Variants in BAIAP2L1 observed in about 807,000 individuals in gnomAD.
BAIAP2L1 encodes BAR/IMD domain containing adaptor protein 2 like 1.
Under a neutral mutation model 66.3 loss-of-function variants are expected in BAIAP2L1, and 35 were observed. That is an observed-to-expected ratio of 0.53 (90% CI 0.40 to 0.70). BAIAP2L1 has a LOEUF of 0.70. Among genes scored for constraint, BAIAP2L1 ranks in the 30% least tolerant of loss-of-function variants. The pLI is 0.00. For synonymous variants in BAIAP2L1, 269 were observed against 248.7 expected (o/e 1.08, Z -0.77); for missense variants, 622 against 656.9 (o/e 0.95, Z 0.58).
Position 98,331,745 on chromosome 7 carries a change from A to G in BAIAP2L1, c.215-11447T>C, listed in dbSNP as rs144604831. Among the ~76,000 whole-genome samples, 10 of 152,300 alleles carry G rather than the reference A, an allele frequency of 6.6e-5. No homozygotes were observed. In the East Asian group the frequency reaches 1.9e-3, roughly 29 times the overall value. On this transcript the variant is annotated intron_variant, in intron 3 of 13. Transcript: ENST00000005260. ...CAGCTTCCCAAAGTGCTGGGATTAC[A>G]GGTGTGAGTCACCATGCCTAGCCAA... is the stretch of plus-strand genomic sequence containing the variant.
In BAIAP2L1 at chr7:98,292,668, A is replaced by G. The variant is rs1800017784; in HGVS notation, c.*853T>C. ...CAGAGGTCATCCTGGCTTTACACGTATCCTTTGAGAGTCTGTACCTGATTC... is the reference window on the plus strand; with the variant it reads ...CAGAGGTCATCCTGGCTTTACACGTGTCCTTTGAGAGTCTGTACCTGATTC... On this transcript the variant is annotated 3_prime_UTR_variant, in exon 14 of 14. Coordinates refer to ENST00000005260, the MANE Select transcript of BAIAP2L1 (RefSeq NM_018842.5). 1.3e-6 allele frequency: 2 copies of G among 1,551,628 alleles called. No homozygotes were observed. Among genetic ancestry groups the G allele is most frequent in the East Asian group, 4.9e-5 (2 of 40,924 alleles).
At chr7:98,390,386 T>TAATATATATAATATA (rs1231018644) in intron 1 of BAIAP2L1, among the ~76,000 whole-genome samples, 2 of 151,958 alleles carry the variant, frequency 1.3e-5, no homozygotes, top group Non-Finnish European at 2.9e-5. Context: ...AATATATATA[T>TAATATATATAATATA]TTATCTGCTT....
At chr7:98,392,900 C>T (rs1803079781) in intron 1 of BAIAP2L1, among the ~76,000 whole-genome samples, 1 of 124,446 alleles carries the variant, frequency 8.0e-6, no homozygotes, top group African/African-American at 2.7e-5. Context: ...TCAGGCAATT[C>T]TCCTGCCTCA....
intron 11 of BAIAP2L1, among the ~76,000 whole-genome samples, chr7:98,304,837 G>A (rs1235931873): frequency 6.6e-6 from 1 of 151,118 alleles, no homozygotes; most frequent in Non-Finnish European, 1.5e-5. Flanking sequence ...AATGTTTTTA[G>A]TGGTTTCTAA....
chr7:98,396,956 C>A (rs1264725922), intron 1 of BAIAP2L1, among the ~76,000 whole-genome samples: 1 of 152,186 alleles, frequency 6.6e-6, no homozygotes, highest in Non-Finnish European at 1.5e-5. Flanking sequence ...ATTCATTCAA[C>A]AAATATGCAT....
At chr7:98,293,944 C>T (rs1274521473) in intron 13 of BAIAP2L1, 130 bp downstream of exon 13, 7 of 1,091,846 alleles carry the variant, frequency 6.4e-6, no homozygotes, top group Admixed American at 2.1e-5. Flanking sequence ...GCTGCACTCC[C>T]CCATGGCTCC....
intron 5 of BAIAP2L1, 59 bp downstream of exon 5, chr7:98,319,999 C>T (rs1584452863): frequency 7.1e-7 from 1 of 1,416,206 alleles, no homozygotes; most frequent in East Asian, 2.3e-5. Context: ...AACGAGTTCT[C>T]CCCAGGCTGG....
At chr7:98,295,103 C>T (rs904199477) in intron 12 of BAIAP2L1, among the ~76,000 whole-genome samples, 5 of 152,230 alleles carry the variant, frequency 3.3e-5, no homozygotes, top group African/African-American at 9.6e-5. Flanking sequence ...TCAGGGAGCA[C>T]GCAGACCTCT....
At position 98,304,730 on chromosome 7, in the gene BAIAP2L1, G is replaced by A. The variant is rs1274241048; in HGVS notation, c.1242-354C>T. Among the ~76,000 whole-genome samples, 3 of 151,458 alleles carry A rather than the reference G, an allele frequency of 2.0e-5. No homozygotes were observed. In the South Asian group the frequency reaches 6.3e-4, roughly 32 times the overall value. On this transcript the variant is annotated intron_variant, in intron 11 of 13. Coordinates refer to ENST00000005260, the MANE Select transcript of BAIAP2L1 (RefSeq NM_018842.5). The stretch of plus-strand genomic sequence containing the variant: ...GCCCAGCTAATTTTTTGTATTTTTA[G>A]TTGAGATGGGGTTTCACCATATTGG...
intron 3 of BAIAP2L1, among the ~76,000 whole-genome samples, chr7:98,354,293 C>T (rs886573205): frequency 1.3e-5 from 2 of 152,050 alleles, no homozygotes; most frequent in African/African-American, 4.8e-5. Context: ...CTTGGTGATG[C>T]CCCCACTCCT....
chr7:98,292,304 C>T lies in BAIAP2L1; in HGVS notation c.*1217G>A, dbSNP rs1046413340. 7 of 329,068 alleles carry T rather than the reference C, an allele frequency of 2.1e-5. No individual in the cohort carries two copies. The highest frequency in any genetic ancestry group is 4.1e-5 in the Non-Finnish European group (7 of 171,958). 20.4% of individuals were successfully genotyped at this position (329,068 alleles called of 1,614,324 possible). On this transcript the variant is annotated 3_prime_UTR_variant, in exon 14 of 14. Coordinates refer to ENST00000005260, the MANE Select transcript of BAIAP2L1 (RefSeq NM_018842.5). Reference sequence around the variant, plus strand: ...GCAGCATGATCTGGCTCACTGCAACCTCTGCCTCCCGGGTTCAAGTGATTC... The same window carrying T: ...GCAGCATGATCTGGCTCACTGCAACTTCTGCCTCCCGGGTTCAAGTGATTC...
intron 1 of BAIAP2L1, among the ~76,000 whole-genome samples, chr7:98,394,254 C>CAAACAAACAAACAAAA (rs1562796510): frequency 6.6e-6 from 1 of 151,690 alleles, no homozygotes; most frequent in Non-Finnish European, 1.5e-5. Context: ...AACAAACAAA[C>CAAACAAACAAACAAAA]AAACAAAAAA....
chr7:98,327,699 T>C (rs1801406477), intron 3 of BAIAP2L1, among the ~76,000 whole-genome samples: 1 of 152,146 alleles, frequency 6.6e-6, no homozygotes, highest in Admixed American at 6.6e-5. Flanking sequence ...GTGAAGATTT[T>C]GTATTCCTGA....
chr7:98,369,207 C>A (rs551677183), intron 1 of BAIAP2L1, among the ~76,000 whole-genome samples: 1 of 152,026 alleles, frequency 6.6e-6, no homozygotes, highest in Non-Finnish European at 1.5e-5. Flanking sequence ...ACAGGCCATG[C>A]GTGGTGACTC....
chr7:98,306,682 A>G (rs1302828553), intron 10 of BAIAP2L1, 166 bp from the exon 11 acceptor site: 1 of 983,090 alleles, frequency 1.0e-6, no homozygotes, highest in African/African-American at 1.6e-5. Context: ...ATGGACTTTC[A>G]CATACACTGA....
At chr7:98,295,947 C>T (rs1800170608) in intron 12 of BAIAP2L1, among the ~76,000 whole-genome samples, 1 of 152,208 alleles carries the variant, frequency 6.6e-6, no homozygotes, top group African/African-American at 2.4e-5. Context: ...CCCGTGCACG[C>T]ATGCCTGGGG....
At chr7:98,293,621 C>T (rs200914514) in intron 13 of BAIAP2L1, 25 bp from the exon 14 acceptor site, 21 of 1,601,258 alleles carry the variant, frequency 1.3e-5, no homozygotes, top group Non-Finnish European at 1.8e-5. Context: ...AAAAATCTTT[C>T]AGAACTTCTG....
At chr7:98,395,949 C>CT (rs1400981639) in intron 1 of BAIAP2L1, among the ~76,000 whole-genome samples, 1 of 152,180 alleles carries the variant, frequency 6.6e-6, no homozygotes, top group Non-Finnish European at 1.5e-5. Flanking sequence ...ATTTGTGACA[C>CT]TATTTCAGTT....
At chr7:98,384,458 A>G (rs1377556032) in intron 1 of BAIAP2L1, among the ~76,000 whole-genome samples, 1 of 152,160 alleles carries the variant, frequency 6.6e-6, no homozygotes, top group Non-Finnish European at 1.5e-5. Context: ...CTGTTTTTAA[A>G]AGGTGTGTCC....
Sources: allele counts gnomAD v4.1 joint callset (sites outside exome capture counted in the v4.1 genomes callset), GRCh38; gene constraint gnomAD v4.1.1; transcripts MANE v1.5; gene names NCBI Gene and HGNC (gene_info 2026-07-23, HGNC 2026-07-21).